The following ADGB variants were observed in gnomAD, a reference collection of about 807,000 sequenced individuals.
The protein encoded by ADGB is androglobin.
ADGB carries 172 observed loss-of-function variants against 210.5 expected under a neutral mutation model. That is an observed-to-expected ratio of 0.82 (90% CI 0.72 to 0.93). ADGB has a LOEUF of 0.93. Ranked by LOEUF, ADGB falls within the 40% of genes least tolerant of loss-of-function variation. The pLI is 0.00. For synonymous variants in ADGB, 658 were observed against 662.7 expected (o/e 0.99, Z 0.11); for missense variants, 2,025 against 1,964.8 (o/e 1.03, Z -0.58).
At chr6:146,615,184 G>A (rs1488342387) in intron 1 of ADGB, among the ~76,000 whole-genome samples, 1 of 151,980 alleles carries the variant, frequency 6.6e-6, no homozygotes, top group Non-Finnish European at 1.5e-5. Flanking sequence ...GGGATTACAG[G>A]CGTGAGCCAC....
At chr6:146,667,086 T>C (rs1397215731) in intron 7 of ADGB, among the ~76,000 whole-genome samples, 184 bp downstream of exon 7, 1 of 151,994 alleles carries the variant, frequency 6.6e-6, no homozygotes, top group African/African-American at 2.4e-5. Flanking sequence ...TATTTCCTTA[T>C]GTAGGAGAAC....
chr6:146,784,483 C>G, intron 30 of ADGB, 135 bp from the exon 31 acceptor site: 2 of 723,364 alleles, frequency 2.8e-6, no homozygotes, highest in Non-Finnish European at 4.1e-6. Flanking sequence ...CATTTTCGTA[C>G]AAGTCTTTTG....
At chr6:146,771,219 G>C (rs1483896541) in intron 29 of ADGB, among the ~76,000 whole-genome samples, 3 of 151,696 alleles carry the variant, frequency 2.0e-5, no homozygotes, top group African/African-American at 4.8e-5. Flanking sequence ...CTGTGTTTCC[G>C]GCCCAGTTCC....
intron 19 of ADGB, among the ~76,000 whole-genome samples, chr6:146,726,953 C>T (rs183529391): frequency 4.7e-4 from 71 of 151,698 alleles, no homozygotes; most frequent in Non-Finnish European, 8.2e-4. Context: ...GTCTCTTCAC[C>T]TTCATCTCTT....
Position 146,745,980 on chromosome 6 carries a change from G to T in ADGB, c.3236G>T (p.Arg1079Leu). ...GGCGACACATATGTAGCAGCCTCAC[G>T]ATGGAAACTGCGTCTCATCGGTTCT... ...FTGDTYVAAS[R>L]WKLRLIGSSA... Residue 1079 changes from arginine to leucine, a missense_variant, in exon 26 of 36, where the codon CGA (arginine) becomes CTA (leucine). Transcript: ENST00000397944. 1 of 1,551,206 alleles carries T rather than the reference G, an allele frequency of 6.4e-7. No individual in the cohort carries two copies. Among genetic ancestry groups the T allele is most frequent in the Non-Finnish European group, 8.7e-7 (1 of 1,146,776 alleles).
At chr6:146,758,593 A>C (rs1777442900) in intron 27 of ADGB, among the ~76,000 whole-genome samples, 1 of 152,046 alleles carries the variant, frequency 6.6e-6, no homozygotes, top group Admixed American at 6.6e-5. Flanking sequence ...GTGGAAGAGT[A>C]ACTGGGTCAG....
intron 19 of ADGB, among the ~76,000 whole-genome samples, chr6:146,726,941 C>T (rs570051098): frequency 4.3e-4 from 66 of 152,224 alleles, no homozygotes; most frequent in African/African-American, 1.3e-3. Context: ...TCAGAAGGTT[C>T]TGTCTCTTCA....
At chr6:146,784,560 T>C in intron 30 of ADGB, 58 bp from the exon 31 acceptor site, 1 of 1,344,000 alleles carries the variant, frequency 7.4e-7, no homozygotes, top group Non-Finnish European at 9.9e-7. Flanking sequence ...TATGGTAAAA[T>C]CTAGACCCTT....
At chr6:146,799,625 G>A (rs1013146024) in intron 33 of ADGB, among the ~76,000 whole-genome samples, 2 of 147,134 alleles carry the variant, frequency 1.4e-5, no homozygotes, top group Admixed American at 6.7e-5. Flanking sequence ...GAAAGGGAGG[G>A]AGGGAGGGAG....
intron 1 of ADGB, among the ~76,000 whole-genome samples, chr6:146,606,963 C>T (rs1780638453): frequency 6.6e-6 from 1 of 152,066 alleles, no homozygotes; most frequent in Admixed American, 6.5e-5. Flanking sequence ...ATAGGAATAG[C>T]ATTACATCTC....
intron 1 of ADGB, among the ~76,000 whole-genome samples, chr6:146,630,684 A>G (rs1781052029): frequency 6.6e-6 from 1 of 152,192 alleles, no homozygotes; most frequent in Admixed American, 6.5e-5. Context: ...TTGTTTCAAT[A>G]TATACAGTAC....
chr6:146,662,182 TG>T, intron 5 of ADGB, among the ~76,000 whole-genome samples: 1 of 152,280 alleles, frequency 6.6e-6, no homozygotes, highest in African/African-American at 2.4e-5. Flanking sequence ...TATGACAATT[TG>T]GGAGAGTTTT....
Position 146,691,127 on chromosome 6 carries a change from T to G in ADGB, c.1323T>G (p.Ala441=), listed in dbSNP as rs1776300131. The G allele has an allele frequency of 2.6e-6, 4 of 1,529,660 alleles. No homozygotes were observed. The highest frequency in any genetic ancestry group is 3.5e-6 in the Non-Finnish European group (4 of 1,138,658). 94.8% of individuals were successfully genotyped at this position (1,529,660 alleles called of 1,614,324 possible). A position where few individuals can be genotyped will look rare whatever the true frequency, so the allele number is the denominator to read the frequency against. Residue 441 remains alanine (A), a synonymous_variant, in exon 11 of 36, where the codon GCT becomes GCG. Transcript: ENST00000397944. Reference sequence around the variant, plus strand: ...TTTCCATCTTCTAGGCAGATTCTGCTGAGAAACTTAGAGAATATGGGCTTT... The same window carrying G: ...TTTCCATCTTCTAGGCAGATTCTGCGGAGAAACTTAGAGAATATGGGCTTT... ...IFSLEKMADS[A]EKLREYGLSH...
intron 17 of ADGB, among the ~76,000 whole-genome samples, chr6:146,722,523 C>A (rs952661092): frequency 6.6e-6 from 1 of 152,212 alleles, no homozygotes; most frequent in South Asian, 2.1e-4. Context: ...AACAAACACA[C>A]TGGCTAGCCC....
In ADGB at chr6:146,672,315, T is replaced by C; in HGVS notation, c.935T>C (p.Val312Ala). 2 of 1,551,138 alleles carry C rather than the reference T, an allele frequency of 1.3e-6. No individual in the cohort carries two copies. Among genetic ancestry groups the C allele is most frequent in the Non-Finnish European group, 1.7e-6 (2 of 1,146,756 alleles). Residue 312 changes from valine (V) to alanine (A), a missense_variant, in exon 8 of 36, where the codon GTG (valine) becomes GCG (alanine). Coordinates refer to ENST00000397944, the MANE Select transcript of ADGB (RefSeq NM_024694.4). Reference sequence around the variant, plus strand: ...GCCAGCTCTGAAAGCAAAATAGCAGTGTTAGATTCTAAATTAAAAGAACCA... The same window carrying C: ...GCCAGCTCTGAAAGCAAAATAGCAGCGTTAGATTCTAAATTAAAAGAACCA... ...DEASSESKIAVLDSKLKEPGK... is the reference protein window; with the variant it reads ...DEASSESKIAALDSKLKEPGK...
Position 146,717,399 on chromosome 6 carries a change from C to A in ADGB, c.1929-137C>A, listed in dbSNP as rs1171559824. 10 of 522,908 alleles carry A rather than the reference C, an allele frequency of 1.9e-5. No individual in the cohort carries two copies. The Admixed American group carries it at 3.9e-4, about 21-fold the overall frequency. The allele number at this position is 522,908 out of a possible 1,614,324, so 32.4% of individuals were successfully genotyped here. ...CTTATTCACTAGAATCATTCTTGTC[C>A]CTTTAGGGCAACTGACCCAATACTG... On this transcript the variant is annotated intron_variant, in intron 15 of 35. Coordinates refer to ENST00000397944, the MANE Select transcript of ADGB (RefSeq NM_024694.4).
At chr6:146,688,531 G>A (rs1425180243) in intron 10 of ADGB, among the ~76,000 whole-genome samples, 1 of 152,072 alleles carries the variant, frequency 6.6e-6, no homozygotes, top group Non-Finnish European at 1.5e-5. Flanking sequence ...AGACTTAAAG[G>A]CAGCTTGAGG....
chr6:146,803,683 T>C, intron 35 of ADGB: 2 of 1,255,644 alleles, frequency 1.6e-6, no homozygotes, highest in Admixed American at 1.8e-5. Context: ...AGTTCCGTTT[T>C]TTAACATTGT....
At chr6:146,796,358 T>C (rs181789855) in intron 33 of ADGB, among the ~76,000 whole-genome samples, 9 of 152,132 alleles carry the variant, frequency 5.9e-5, no homozygotes, top group Admixed American at 1.3e-4. Context: ...AAAAATTCAT[T>C]TGGAACCAAA....
Sources: gnomAD v4.1 joint callset for allele counts (sites outside exome capture counted in the v4.1 genomes callset) on GRCh38, gnomAD v4.1.1 for gene constraint, MANE v1.5 for transcripts, NCBI Gene and HGNC (gene_info 2026-07-23, HGNC 2026-07-21) for gene names.